The following ATP6V1C2 variants were observed in gnomAD, a reference collection of about 807,000 sequenced individuals.
The protein encoded by ATP6V1C2 is ATPase H+ transporting V1 subunit C2.
Under a neutral mutation model 56.8 loss-of-function variants are expected in ATP6V1C2, and 45 were observed. The ratio of observed to expected loss-of-function variants is 0.79; its 90% CI spans 0.62 to 1.02. The LOEUF is 1.02. Among genes scored for constraint, ATP6V1C2 ranks in the 50% least tolerant of loss-of-function variants. The pLI is 0.00. For synonymous variants in ATP6V1C2, 220 were observed against 201.3 expected (o/e 1.09, Z -0.79); for missense variants, 463 against 519.7 (o/e 0.89, Z 1.06).
intron 3 of ATP6V1C2, among the ~76,000 whole-genome samples, chr2:10,727,745 A>G (rs1198560225): frequency 6.6e-6 from 1 of 151,942 alleles, no homozygotes; most frequent in Non-Finnish European, 1.5e-5. Flanking sequence ...CTAAAAATAC[A>G]AAAATTAGCT....
intron 4 of ATP6V1C2, among the ~76,000 whole-genome samples, chr2:10,755,078 C>G (rs1000839633): frequency 2.6e-5 from 4 of 152,054 alleles, no homozygotes; most frequent in African/African-American, 9.7e-5. Flanking sequence ...AGTGCAATGG[C>G]ACAATCTCGG....
At chr2:10,759,990 T>C (rs1053772182) in intron 4 of ATP6V1C2, among the ~76,000 whole-genome samples, 2 of 151,100 alleles carry the variant, frequency 1.3e-5, no homozygotes, top group African/African-American at 4.9e-5. Flanking sequence ...TGGCTTGTGG[T>C]GAAATCAGAA....
chr2:10,729,055 G>A (rs1418992754), intron 3 of ATP6V1C2, among the ~76,000 whole-genome samples: 2 of 150,966 alleles, frequency 1.3e-5, no homozygotes, highest in Non-Finnish European at 3.0e-5. Context: ...GCTTGAACCT[G>A]GCAGGCGGAG....
chr2:10,734,563 C>A (rs532459124), intron 3 of ATP6V1C2, among the ~76,000 whole-genome samples: 1 of 152,108 alleles, frequency 6.6e-6, no homozygotes, highest in Admixed American at 6.5e-5. Context: ...TCTTATCTAA[C>A]CTGCAAGAGT....
chr2:10,777,577 G>A lies in ATP6V1C2; in HGVS notation c.826-8G>A, dbSNP rs1193505780. The A allele has an allele frequency of 1.9e-6, 3 of 1,605,532 alleles. No individual in the cohort carries two copies. In the Admixed American group the frequency reaches 5.3e-5, roughly 28 times the overall value. On this transcript the variant is annotated splice_polypyrimidine_tract_variant and splice_region_variant and intron_variant, in intron 10 of 13. Transcript: ENST00000272238. ...TGAAAGATTAATAAATCATTTCTGT[G>A]CCTTTAGCAAACTTCCTGTGTTGCT...
rs1558423600 is a variant in ATP6V1C2 at position 10,774,881 on chromosome 2, G to A, written c.731+1G>A. The A allele has an allele frequency of 6.2e-7, 1 of 1,614,142 alleles. No homozygotes were observed. ...TCAAAACCAAGGCCAAAGAAAACAA[G>A]TAAGGGTCCTCCAGGTTTGGTTCAT... is the stretch of plus-strand genomic sequence containing the variant. On this transcript the variant is annotated splice_donor_variant, in intron 9 of 13. Transcript: ENST00000272238. LOFTEE classifies it high-confidence loss of function.
chr2:10,731,791 T>C (rs978312593), intron 3 of ATP6V1C2, among the ~76,000 whole-genome samples: 2 of 151,876 alleles, frequency 1.3e-5, no homozygotes, highest in African/African-American at 4.8e-5. Flanking sequence ...CTGGGTGACA[T>C]GGTGAAACCC....
At position 10,777,692 on chromosome 2, in the gene ATP6V1C2, CAGAG is replaced by C. The variant is rs752793952; in HGVS notation, c.944_947del (p.Glu315ValfsTer15). 3.7e-5 allele frequency: 59 copies of C among 1,597,764 alleles called. No individual in the cohort carries two copies. Among genetic ancestry groups the C allele is most frequent in the African/African-American group, 5.4e-5 (4 of 74,396 alleles). On this transcript the variant is annotated frameshift_variant, in exon 11 of 14. Coordinates refer to ENST00000272238, the MANE Select transcript of ATP6V1C2 (RefSeq NM_001039362.2). LOFTEE classifies it high-confidence loss of function. ...ATAGGCCTGCTGCGGGGCAGACCGA[CAGAG>C]AGAGAGAGAGTGAGGGCGAGGGTGA...
chr2:10,726,540 G>A lies in ATP6V1C2; in HGVS notation c.168G>A (p.Glu56=). ...ATTCCCTGGTTGGCCTCTCTGATGA[G>A]TTGGGGAAACTCGACACCTTTGCTG... The part of the protein sequence containing the change: ...TLDSLVGLSD[E]LGKLDTFAES... Residue 56 remains glutamate, a synonymous_variant, in exon 3 of 14, where the codon GAG becomes GAA. Transcript: ENST00000272238. The A allele has an allele frequency of 6.2e-7, 1 of 1,613,996 alleles. No homozygotes were observed.
chr2:10,733,272 G>C (rs1198808458), intron 3 of ATP6V1C2, among the ~76,000 whole-genome samples: 1 of 152,182 alleles, frequency 6.6e-6, no homozygotes, highest in Non-Finnish European at 1.5e-5. Context: ...TGGGGTAAAA[G>C]AGTGGGTTAT....
chr2:10,782,532 T>C (rs938010587), intron 13 of ATP6V1C2, among the ~76,000 whole-genome samples, 157 bp downstream of exon 13: 3 of 151,706 alleles, frequency 2.0e-5, no homozygotes, highest in African/African-American at 7.3e-5. Context: ...AGACCCTGTC[T>C]CTACTAAAAA....
At chr2:10,726,255 G>A (rs561716183) in intron 2 of ATP6V1C2, among the ~76,000 whole-genome samples, 1 of 152,338 alleles carries the variant, frequency 6.6e-6, no homozygotes, top group South Asian at 2.1e-4. Flanking sequence ...AGGTCAGATG[G>A]TAACATCATA....
At chr2:10,744,673 T>TC (rs199670331) in intron 3 of ATP6V1C2, among the ~76,000 whole-genome samples, 16 of 135,672 alleles carry the variant, frequency 1.2e-4, no homozygotes, top group East Asian at 2.0e-4. Flanking sequence ...CTTTTTCTTT[T>TC]TTTTTTTTTT....
In ATP6V1C2 at chr2:10,781,565, A is replaced by T. The variant is rs1451789155; in HGVS notation, c.1062-678A>T. ...CTTTATGGCAGCCCCGTCTGCACAG[A>T]GTACTAGGTGAGTGGAAGGGCGTGT... On this transcript the variant is annotated intron_variant, in intron 12 of 13. Coordinates refer to ENST00000272238, the MANE Select transcript of ATP6V1C2 (RefSeq NM_001039362.2). Among the ~76,000 whole-genome samples, 3 of 152,198 alleles carry T rather than the reference A, an allele frequency of 2.0e-5. No individual in the cohort carries two copies. The East Asian group carries it at 5.8e-4, about 29-fold the overall frequency.
At chr2:10,771,965 CCGGCCCTGCCCAG>C in intron 7 of ATP6V1C2, 28 bp downstream of exon 7, 2 of 1,594,744 alleles carry the variant, frequency 1.3e-6, no homozygotes, top group Non-Finnish European at 1.7e-6. Flanking sequence ...ACGAAGGAAA[CCGGCCCTGCCCAG>C]TGGAGAGGAA....
chr2:10,747,020 G>A (rs568862410), intron 3 of ATP6V1C2, among the ~76,000 whole-genome samples: 2 of 152,324 alleles, frequency 1.3e-5, no homozygotes, highest in South Asian at 2.1e-4. Flanking sequence ...TGCAATCCCA[G>A]CGCTTTGGGA....
In ATP6V1C2 at chr2:10,738,940, C is replaced by T. The variant is rs189511366; in HGVS notation, c.197+12371C>T. 7.2e-5 allele frequency among the ~76,000 whole-genome samples: 11 copies of T among 152,324 alleles called. No homozygotes were observed. In the East Asian group the frequency reaches 1.5e-3, roughly 21 times the overall value. On this transcript the variant is annotated intron_variant, in intron 3 of 13. Transcript: ENST00000272238. ...TCCACCCACTTCTCAGCACGTCCATCGAAGCCACCTTCATTGCGTTCCTGT... is the reference window on the plus strand; with the variant it reads ...TCCACCCACTTCTCAGCACGTCCATTGAAGCCACCTTCATTGCGTTCCTGT...
At chr2:10,738,788 G>C (rs1473041042) in intron 3 of ATP6V1C2, among the ~76,000 whole-genome samples, 1 of 152,062 alleles carries the variant, frequency 6.6e-6, no homozygotes, top group East Asian at 1.9e-4. Context: ...TCAGTCAAAG[G>C]CTCCAGTGAC....
At chr2:10,759,859 A>G (rs1449153911) in intron 4 of ATP6V1C2, among the ~76,000 whole-genome samples, 2 of 152,218 alleles carry the variant, frequency 1.3e-5, no homozygotes, top group African/African-American at 4.8e-5. Context: ...AGGAGCTTAT[A>G]TCAGGTCGCA....
Sources: gnomAD v4.1 joint callset for allele counts (sites outside exome capture counted in the v4.1 genomes callset) on GRCh38, gnomAD v4.1.1 for gene constraint, MANE v1.5 for transcripts, NCBI Gene and HGNC (gene_info 2026-07-23, HGNC 2026-07-21) for gene names.